Variants in USP5 observed in about 807,000 individuals in gnomAD.
USP5 encodes ubiquitin carboxyl-terminal hydrolase 5.
A neutral mutation model predicts 102.5 loss-of-function variants in USP5; 24 were observed. That is an observed-to-expected ratio of 0.23 (90% CI 0.17 to 0.33). The LOEUF (loss-of-function observed/expected upper bound fraction) is 0.33. Among genes scored for constraint, USP5 ranks in the 10% least tolerant of loss-of-function variants. USP5 has a pLI of 1.00. For missense variants in USP5, 753 were observed against 1,122.1 expected, an observed-to-expected ratio of 0.67 and a Z score of 4.70; for synonymous variants, 460 against 434.8, an observed-to-expected ratio of 1.06 and a Z score of -0.72.
At chr12:6,852,322 C>G (rs781809049) in intron 1 of USP5, 32 bp downstream of exon 1, 2 of 1,578,166 alleles carry the variant, frequency 1.3e-6, no homozygotes, top group East Asian at 2.3e-5. Flanking sequence ...GCAACGAGCA[C>G]GACTTCCTTC....
At position 6,861,111 on chromosome 12, in the gene USP5, G is replaced by T; in HGVS notation, c.1498+5G>T. 1 of 1,613,948 alleles carries T rather than the reference G, an allele frequency of 6.2e-7. No individual in the cohort carries two copies. The highest frequency in any genetic ancestry group is 1.3e-5 in the African/African-American group (1 of 75,040). ...TGGATGCAGCCCTTAACAAAGGTAG[G>T]CTGCTCCATCAGCAAGGCCGTGGCA... is the stretch of plus-strand genomic sequence containing the variant. On this transcript the variant is annotated splice_donor_5th_base_variant and intron_variant, in intron 12 of 19. Coordinates refer to ENST00000229268, the MANE Select transcript of USP5 (RefSeq NM_001098536.2). This position sits in a 1 kb window ranked among gnomAD's most constrained non-coding sequence, Gnocchi z 4.9.
Position 6,860,141 on chromosome 12 carries a change from A to G in USP5, c.1131-10A>G. On this transcript the variant is annotated splice_polypyrimidine_tract_variant and intron_variant, in intron 9 of 19. Transcript: ENST00000229268. The surrounding 1 kb of genome is among the most constrained non-coding windows in gnomAD (Gnocchi z 5.5). ...ACTGAAGTGAAATGTTTTCTTGGAT[A>G]TTAATGCAGGGCCAAGCTGGGCCAT... 1 of 1,607,972 alleles carries G rather than the reference A, an allele frequency of 6.2e-7. No individual in the cohort carries two copies. Among genetic ancestry groups the G allele is most frequent in the Non-Finnish European group, 8.5e-7 (1 of 1,178,418 alleles).
In USP5 at chr12:6,863,401, G is replaced by C. The variant is rs1944332844; in HGVS notation, c.1954+24G>C. On this transcript the variant is annotated intron_variant, in intron 15 of 19. Transcript: ENST00000229268. The surrounding 1 kb of genome is among the most constrained non-coding windows in gnomAD (Gnocchi z 4.7). Reference sequence around the variant, plus strand: ...ATGTTAGTGACTCTTCTTCCTGCCTGTCTCTCTCCCGTGCTGATGGGGGCC... The same window carrying C: ...ATGTTAGTGACTCTTCTTCCTGCCTCTCTCTCTCCCGTGCTGATGGGGGCC... 1 of 1,606,598 alleles carries C rather than the reference G, an allele frequency of 6.2e-7. No individual in the cohort carries two copies. The highest frequency in any genetic ancestry group is 1.7e-5 in the Admixed American group (1 of 59,654).
Position 6,855,298 on chromosome 12 carries a change from T to C in USP5, c.112-103T>C, listed in dbSNP as rs1944075140. 4 of 1,494,078 alleles carry C rather than the reference T, an allele frequency of 2.7e-6. No individual in the cohort carries two copies. The highest frequency in any genetic ancestry group is 3.6e-6 in the Non-Finnish European group (4 of 1,099,064). 92.6% of individuals were successfully genotyped at this position (1,494,078 alleles called of 1,614,324 possible). On this transcript the variant is annotated intron_variant, in intron 1 of 19. Transcript: ENST00000229268. This position sits in a 1 kb window ranked among gnomAD's most constrained non-coding sequence, Gnocchi z 4.6. ...CCACACAGTGTTAGAGAACAGAACA[T>C]TTCTTCTGGAACCCAGCAGTTTCTG...
In USP5 at chr12:6,860,104, G is replaced by A; in HGVS notation, c.1131-47G>A. 2 of 1,596,350 alleles carry A rather than the reference G, an allele frequency of 1.3e-6. No individual in the cohort carries two copies. The highest frequency in any genetic ancestry group is 8.5e-7 in the Non-Finnish European group (1 of 1,172,718). ...AGGGGGTTGAGCTGGGGACACACAG[G>A]GTCGTTAGTTGACTGAAGTGAAATG... is the stretch of plus-strand genomic sequence containing the variant. On this transcript the variant is annotated intron_variant, in intron 9 of 19. Transcript: ENST00000229268. This position sits in a 1 kb window ranked among gnomAD's most constrained non-coding sequence, Gnocchi z 5.5.
chr12:6,863,048 G>A lies in USP5; in HGVS notation c.1763-138G>A. The A allele has an allele frequency of 1.3e-6, 1 of 770,952 alleles. No homozygotes were observed. Among genetic ancestry groups the A allele is most frequent in the South Asian group, 1.9e-5 (1 of 51,546 alleles). 47.8% of individuals were successfully genotyped at this position (770,952 alleles called of 1,614,324 possible). On this transcript the variant is annotated intron_variant, in intron 14 of 19. Transcript: ENST00000229268. This position sits in a 1 kb window ranked among gnomAD's most constrained non-coding sequence, Gnocchi z 4.7. The stretch of plus-strand genomic sequence containing the variant: ...CTTAGTATTATTTGTCTTATACTGG[G>A]ACCCCTAAGATGGGTGCCGTGCTTT...
chr12:6,860,491 G>A lies in USP5; in HGVS notation c.1344G>A (p.Glu448=). 6.2e-7 allele frequency: 1 copy of A among 1,613,772 alleles called. No individual in the cohort carries two copies. The highest frequency in any genetic ancestry group is 8.5e-7 in the Non-Finnish European group (1 of 1,180,008). The change falls in exon 11 of 20, where the codon GAG becomes GAA. Residue 448 remains glutamate (E), a splice_region_variant and synonymous_variant. Coordinates refer to ENST00000229268, the MANE Select transcript of USP5 (RefSeq NM_001098536.2). The surrounding 1 kb of genome is among the most constrained non-coding windows in gnomAD (Gnocchi z 5.5). ...EFFLHLINMV[E]RNCRSSENPN... ...TCCTTCACCTTATCAACATGGTGGA[G>A]GTAAGGGCTGGCAAGATGGCACACC...
chr12:6,859,611 G>GC, intron 9 of USP5, 70 bp downstream of exon 9: 2 of 1,463,790 alleles, frequency 1.4e-6, no homozygotes, highest in Admixed American at 3.4e-5. Flanking sequence ...CTCCCTGACC[G>GC]CCTGGGGGGC....
In USP5 at chr12:6,861,073, C is replaced by T. The variant is rs143986399; in HGVS notation, c.1465C>T (p.Leu489=). 491 of 1,614,244 alleles carry T rather than the reference C, an allele frequency of 3.0e-4. 3 individuals carry two copies. The African/African-American group carries it at 5.7e-3, about 19-fold the overall frequency. ...YTQRVDYIMQ[L]PVPMDAALNK... ...CCAGCGAGTTGACTACATCATGCAG[C>T]TGCCTGTGCCCATGGATGCAGCCCT... Residue 489 remains leucine, a synonymous_variant, in exon 12 of 20, where the codon CTG becomes TTG. Coordinates refer to ENST00000229268, the MANE Select transcript of USP5 (RefSeq NM_001098536.2). This position sits in a 1 kb window ranked among gnomAD's most constrained non-coding sequence, Gnocchi z 4.9.
chr12:6,857,610 T>C lies in USP5; in HGVS notation c.770-19T>C, dbSNP rs1944156309. ...TCCTGAGCCACTTCCCCTGATTCTCTTCCTGCCTCCTGCTCTAGACGTGTA... is the reference window on the plus strand; with the variant it reads ...TCCTGAGCCACTTCCCCTGATTCTCCTCCTGCCTCCTGCTCTAGACGTGTA... On this transcript the variant is annotated intron_variant, in intron 6 of 19. Transcript: ENST00000229268. 1.2e-6 allele frequency: 2 copies of C among 1,610,584 alleles called. No homozygotes were observed.
chr12:6,865,002 T>C (rs1944392500), intron 18 of USP5, 127 bp downstream of exon 18: 8 of 1,404,698 alleles, frequency 5.7e-6, no homozygotes, highest in South Asian at 4.1e-5. Context: ...ACGTGGCATC[T>C]GAGGGTGGGG....
Position 6,864,253 on chromosome 12 carries a change from A to AG in USP5, c.2244+62dup. On this transcript the variant is annotated intron_variant, in intron 17 of 19. Transcript: ENST00000229268. The surrounding 1 kb of genome is among the most constrained non-coding windows in gnomAD (Gnocchi z 4.8). ...AGTGGGGAAGAAGGGGGTGGGAATG[A>AG]GGGGCCATCCTTCTTGAGCAAGACC... 2.0e-6 allele frequency: 3 copies of AG among 1,523,318 alleles called. No individual in the cohort carries two copies. Among genetic ancestry groups the AG allele is most frequent in the Non-Finnish European group, 2.6e-6 (3 of 1,136,614 alleles). 94.4% of individuals were successfully genotyped at this position (1,523,318 alleles called of 1,614,324 possible). A position where few individuals can be genotyped will look rare whatever the true frequency, so the allele number is the denominator to read the frequency against.
At position 6,860,522 on chromosome 12, in the gene USP5, C is replaced by G; in HGVS notation, c.1344+31C>G. ...GGCTGGCAAGATGGCACACCCCCAT[C>G]TTCCTGCAATTTACTCGCTCTCCTT... On this transcript the variant is annotated intron_variant, in intron 11 of 19. Transcript: ENST00000229268. The surrounding 1 kb of genome is among the most constrained non-coding windows in gnomAD (Gnocchi z 5.5). The G allele has an allele frequency of 1.2e-6, 2 of 1,612,136 alleles. No individual in the cohort carries two copies. Among genetic ancestry groups the G allele is most frequent in the South Asian group, 2.2e-5 (2 of 91,076 alleles).
At position 6,863,035 on chromosome 12, in the gene USP5, T is replaced by C. The variant is rs1944322819; in HGVS notation, c.1763-151T>C. On this transcript the variant is annotated intron_variant, in intron 14 of 19. Transcript: ENST00000229268. This position sits in a 1 kb window ranked among gnomAD's most constrained non-coding sequence, Gnocchi z 4.7. ...CCCAACTCCCAGGCTTAGTATTATT[T>C]GTCTTATACTGGGACCCCTAAGATG... 4 of 686,744 alleles carry C rather than the reference T, an allele frequency of 5.8e-6. No homozygotes were observed. Among genetic ancestry groups the C allele is most frequent in the Non-Finnish European group, 9.3e-6 (4 of 429,768 alleles). 42.5% of individuals were successfully genotyped at this position (686,744 alleles called of 1,614,324 possible).
In USP5 at chr12:6,863,169, T is replaced by A; in HGVS notation, c.1763-17T>A. 6.3e-7 allele frequency: 1 copy of A among 1,597,894 alleles called. No individual in the cohort carries two copies. The highest frequency in any genetic ancestry group is 8.5e-7 in the Non-Finnish European group (1 of 1,171,202). ...GGTAGGCCTCCGGGAGCTGCTGAGG[T>A]GACCCTTTTCCCACAGATGTGTCCA... On this transcript the variant is annotated splice_polypyrimidine_tract_variant and intron_variant, in intron 14 of 19. Transcript: ENST00000229268. This position sits in a 1 kb window ranked among gnomAD's most constrained non-coding sequence, Gnocchi z 4.7.
chr12:6,861,610 G>A lies in USP5; in HGVS notation c.1666G>A (p.Ala556Thr). Residue 556 changes from alanine (A) to threonine (T), a missense_variant, in exon 13 of 20, where the codon GCT becomes ACT. By Grantham distance (58) the Ala-to-Thr change is moderately conservative (BLOSUM62 0). Transcript: ENST00000229268. The surrounding 1 kb of genome is among the most constrained non-coding windows in gnomAD (Gnocchi z 4.9). Reference sequence around the variant, plus strand: ...CACGGCCCTGCAGGCCAAGTCAGTAGCTGTCAAGTAAGTCCTCTGGTCGGG... The same window carrying A: ...CACGGCCCTGCAGGCCAAGTCAGTAACTGTCAAGTAAGTCCTCTGGTCGGG... ...WSTALQAKSV[A>T]VKTTRFASFP... 6.4e-7 allele frequency: 1 copy of A among 1,559,178 alleles called. No individual in the cohort carries two copies. Among genetic ancestry groups the A allele is most frequent in the Non-Finnish European group, 8.7e-7 (1 of 1,147,876 alleles).
chr12:6,855,827 C>A lies in USP5; in HGVS notation c.304+6C>A. On this transcript the variant is annotated splice_donor_region_variant and intron_variant, in intron 3 of 19. Coordinates refer to ENST00000229268, the MANE Select transcript of USP5 (RefSeq NM_001098536.2). The surrounding 1 kb of genome is among the most constrained non-coding windows in gnomAD (Gnocchi z 4.6). ...GCCCACGCGGCTGGCTATTGGTGAG[C>A]ACCGCTGCAGTCCTATTCTTCTCCC... 1 of 1,614,148 alleles carries A rather than the reference C, an allele frequency of 6.2e-7. No individual in the cohort carries two copies.
At position 6,863,267 on chromosome 12, in the gene USP5, C is replaced by A. The variant is rs1555129945; in HGVS notation, c.1844C>A (p.Pro615Gln). 1.2e-6 allele frequency: 2 copies of A among 1,614,054 alleles called. No homozygotes were observed. Among genetic ancestry groups the A allele is most frequent in the Non-Finnish European group, 1.7e-6 (2 of 1,180,038 alleles). Reference protein sequence around the residue: ...TGLQPGEEELPDIAPPLVTPD... With the variant: ...TGLQPGEEELQDIAPPLVTPD... ...CTGCAGCCCGGAGAGGAGGAGCTGC[C>A]AGACATTGCCCCACCCCTGGTCACT... The change falls in exon 15 of 20, where the codon CCA becomes CAA. Residue 615 changes from proline (P) to glutamine (Q), a missense_variant. Physicochemically the swap from Pro to Gln is moderately conservative, Grantham distance 76. Around this residue, in one of 3 missense-constraint regions of USP5, gnomAD observed 527 missense variants for 816.5 expected, o/e 0.65. Transcript: ENST00000229268. The surrounding 1 kb of genome is among the most constrained non-coding windows in gnomAD (Gnocchi z 4.7).
Position 6,858,717 on chromosome 12 carries a change from G to C in USP5, c.1058+100G>C. ...CTCAGCACCTCTGTGTTTGATTCTAGTCTTAGAGTAGTTCCTATCGGCTGG... is the reference window on the plus strand; with the variant it reads ...CTCAGCACCTCTGTGTTTGATTCTACTCTTAGAGTAGTTCCTATCGGCTGG... On this transcript the variant is annotated intron_variant, in intron 8 of 19. Coordinates refer to ENST00000229268, the MANE Select transcript of USP5 (RefSeq NM_001098536.2). The surrounding 1 kb of genome is among the most constrained non-coding windows in gnomAD (Gnocchi z 4.2). The C allele has an allele frequency of 8.7e-7, 1 of 1,152,046 alleles. No individual in the cohort carries two copies. Among genetic ancestry groups the C allele is most frequent in the Non-Finnish European group, 1.2e-6 (1 of 815,228 alleles). The allele number at this position is 1,152,046 out of a possible 1,614,324, so 71.4% of individuals were successfully genotyped here. A position where few individuals can be genotyped will look rare whatever the true frequency, so the allele number is the denominator to read the frequency against.
Sources: gnomAD v4.1 joint callset for allele counts on GRCh38, gnomAD v4.1.1 for gene constraint, gnomAD v4.1.1 regional missense constraint, Gnocchi (gnomAD v3.1) non-coding constraint, MANE v1.5 for transcripts, NCBI Gene and HGNC (gene_info 2026-07-23, HGNC 2026-07-21) for gene names.